The following THRB variants were observed in gnomAD, a reference collection of about 807,000 sequenced individuals.
THRB encodes the protein thyroid hormone receptor beta.
THRB carries 12 observed loss-of-function variants against 47.8 expected under a neutral mutation model. That is an observed-to-expected ratio of 0.25 (90% CI 0.16 to 0.41). THRB has a LOEUF of 0.41. THRB is among the 10% of genes least tolerant of loss of function. The pLI is 1.00. For synonymous variants in THRB, 218 were observed against 212.2 expected (o/e 1.03, Z -0.24); for missense variants, 348 against 589.2 (o/e 0.59, Z 4.24).
intron 1 of THRB, among the ~76,000 whole-genome samples, chr3:24,412,290 T>C (rs1279661187): frequency 6.6e-6 from 1 of 151,826 alleles, no homozygotes; most frequent in Non-Finnish European, 1.5e-5. Context: ...ATTTCAATAA[T>C]TTTAGTCTCT....
intron 1 of THRB, among the ~76,000 whole-genome samples, chr3:24,397,353 A>G (rs1474072086): frequency 6.6e-6 from 1 of 152,164 alleles, no homozygotes; most frequent in Non-Finnish European, 1.5e-5. Flanking sequence ...TAACTTGGCC[A>G]TATAGTTGCT....
At chr3:24,341,085 T>A (rs1039625948) in intron 1 of THRB, among the ~76,000 whole-genome samples, 6 of 151,982 alleles carry the variant, frequency 3.9e-5, no homozygotes, top group Non-Finnish European at 8.8e-5. Context: ...CAAATTCTTT[T>A]TCTTTTGGCT....
chr3:24,335,071 C>T (rs936059121), intron 2 of THRB, among the ~76,000 whole-genome samples: 3 of 152,094 alleles, frequency 2.0e-5, no homozygotes, highest in Admixed American at 1.3e-4. Flanking sequence ...ATGGTCTCTC[C>T]CCACCAGCAC....
chr3:24,221,549 A>G (rs1291936906), intron 4 of THRB, among the ~76,000 whole-genome samples: 1 of 152,140 alleles, frequency 6.6e-6, no homozygotes, highest in Non-Finnish European at 1.5e-5. Context: ...GGTTGGTGTG[A>G]TGATGATTGT....
intron 4 of THRB, among the ~76,000 whole-genome samples, chr3:24,198,466 C>CCCCT (rs2044236296): frequency 1.6e-5 from 1 of 61,434 alleles, no homozygotes; most frequent in African/African-American, 5.7e-5. Flanking sequence ...CCCCCCCCCC[C>CCCCT]TTTTTTTTTT....
At chr3:24,345,873 C>A (rs905294557) in intron 1 of THRB, among the ~76,000 whole-genome samples, 2 of 152,000 alleles carry the variant, frequency 1.3e-5, no homozygotes, top group African/African-American at 4.8e-5. Context: ...ATACATATGT[C>A]ATAATTTATC....
intron 2 of THRB, among the ~76,000 whole-genome samples, chr3:24,329,622 A>G (rs1027271093): frequency 2.9e-4 from 44 of 152,396 alleles, no homozygotes; most frequent in African/African-American, 1.1e-3. Flanking sequence ...GCACAACTGT[A>G]TTGAACAGTC....
chr3:24,210,120 GA>G (rs1195624980), intron 4 of THRB, among the ~76,000 whole-genome samples: 1 of 152,146 alleles, frequency 6.6e-6, no homozygotes, highest in Non-Finnish European at 1.5e-5. Context: ...AAGTTCAGGG[GA>G]CGGTGCTGCA....
chr3:24,127,334 C>T (rs1489448380), intron 10 of THRB, among the ~76,000 whole-genome samples, 165 bp downstream of exon 10: 2 of 152,154 alleles, frequency 1.3e-5, no homozygotes. Flanking sequence ...ATCTGACGCC[C>T]CCCCTTTAAG....
chr3:24,402,448 A>T (rs2067483583), intron 1 of THRB, among the ~76,000 whole-genome samples: 1 of 150,202 alleles, frequency 6.7e-6, no homozygotes, highest in Admixed American at 6.6e-5. Context: ...GTCTGATTTG[A>T]CACTTAATTT....
At chr3:24,347,954 C>T (rs966771775) in intron 1 of THRB, among the ~76,000 whole-genome samples, 15 of 152,118 alleles carry the variant, frequency 9.9e-5, no homozygotes, top group Non-Finnish European at 1.3e-4. Flanking sequence ...GAAGTGGGAT[C>T]ATGTCTCATC....
chr3:24,204,863 C>A (rs989032104), intron 4 of THRB, among the ~76,000 whole-genome samples: 1 of 152,198 alleles, frequency 6.6e-6, no homozygotes, highest in Non-Finnish European at 1.5e-5. Flanking sequence ...AATTCACAAG[C>A]TTCAGTAGCC....
intron 1 of THRB, among the ~76,000 whole-genome samples, chr3:24,379,597 C>T (rs2065544598): frequency 6.9e-6 from 1 of 145,282 alleles, no homozygotes; most frequent in Non-Finnish European, 1.5e-5. Flanking sequence ...CATGAGGATT[C>T]TGTAACAAGT....
At chr3:24,423,097 C>G (rs2069425335) in intron 1 of THRB, among the ~76,000 whole-genome samples, 1 of 151,862 alleles carries the variant, frequency 6.6e-6, no homozygotes, top group African/African-American at 2.4e-5. Context: ...CACCATATAA[C>G]TAAGTAAGTC....
chr3:24,481,737 A>C (rs941397379), intron 1 of THRB, among the ~76,000 whole-genome samples: 1 of 151,992 alleles, frequency 6.6e-6, no homozygotes, highest in African/African-American at 2.4e-5. Context: ...GCAGGATTTC[A>C]GGAGTTCCTT....
At chr3:24,398,891 T>C (rs2067182810) in intron 1 of THRB, among the ~76,000 whole-genome samples, 1 of 152,214 alleles carries the variant, frequency 6.6e-6, no homozygotes, top group South Asian at 2.1e-4. Flanking sequence ...TGGAATACTA[T>C]GCAGCCATAA....
intron 1 of THRB, among the ~76,000 whole-genome samples, chr3:24,386,884 G>A (rs896466949): frequency 6.6e-5 from 10 of 152,118 alleles, no homozygotes; most frequent in African/African-American, 2.4e-4. Context: ...GTTGTGGAGA[G>A]AACTAAATGA....
rs536264153 is a variant in THRB, at chr3:24,119,293, C to T, written c.*3591G>A. 1.2e-4 allele frequency: 18 copies of T among 152,308 alleles called. No individual in the cohort carries two copies. In the East Asian group the frequency reaches 3.3e-3, roughly 28 times the overall value. The allele number at this position is 152,308 out of a possible 1,614,324, so 9.4% of individuals were successfully genotyped here. A position where few individuals can be genotyped will look rare whatever the true frequency, so the allele number is the denominator to read the frequency against. On this transcript the variant is annotated 3_prime_UTR_variant, in exon 11 of 11. Transcript: ENST00000646209. ...AGATTCAAATGTCGATCATCACTCT[C>T]CATTTGAGGAGGAACTGTGGCTTGG...
intron 1 of THRB, among the ~76,000 whole-genome samples, chr3:24,462,974 T>G (rs1560247020): frequency 6.6e-6 from 1 of 152,172 alleles, no homozygotes; most frequent in African/African-American, 2.4e-5. Context: ...CCCCCTCCTG[T>G]CACTGCTATA....
Sources: gnomAD v4.1 joint callset for allele counts (sites outside exome capture counted in the v4.1 genomes callset) on GRCh38, gnomAD v4.1.1 for gene constraint, MANE v1.5 for transcripts, NCBI Gene and HGNC (gene_info 2026-07-23, HGNC 2026-07-21) for gene names.